ARHGAP17: variants seen among roughly 807,000 people sequenced by gnomAD.
ARHGAP17 encodes rho GTPase-activating protein 17.
ARHGAP17 carries 57 observed loss-of-function variants against 99.5 expected under a neutral mutation model. That is an observed-to-expected ratio of 0.57 (90% CI 0.46 to 0.71). ARHGAP17 has a LOEUF of 0.71. ARHGAP17 is among the 30% of genes least tolerant of loss of function. The pLI, the probability that ARHGAP17 is intolerant of heterozygous loss-of-function variation, is 0.00. For missense variants in ARHGAP17, 1,000 were observed against 1,122.4 expected, an observed-to-expected ratio of 0.89 and a Z score of 1.56; for synonymous variants, 417 against 429.6, an observed-to-expected ratio of 0.97 and a Z score of 0.36.
At chr16:24,994,649 A>T (rs2053142732) in intron 1 of ARHGAP17, among the ~76,000 whole-genome samples, 1 of 152,234 alleles carries the variant, frequency 6.6e-6, no homozygotes, top group Non-Finnish European at 1.5e-5. Context: ...GTGCTTTGCA[A>T]GAACTGAACT....
chr16:24,973,553 T>C (rs576788034), intron 3 of ARHGAP17, among the ~76,000 whole-genome samples: 1 of 152,336 alleles, frequency 6.6e-6, no homozygotes, highest in South Asian at 2.1e-4. Context: ...GCCAAGCACT[T>C]TGCCCCAGCT....
At chr16:24,964,663 C>T (rs2052118414) in intron 6 of ARHGAP17, among the ~76,000 whole-genome samples, 1 of 152,192 alleles carries the variant, frequency 6.6e-6, no homozygotes, top group Admixed American at 6.5e-5. Context: ...GAGCAAGGTG[C>T]TCTCCTTGCT....
chr16:24,933,822 G>T (rs563764096), intron 18 of ARHGAP17, among the ~76,000 whole-genome samples: 27 of 152,208 alleles, frequency 1.8e-4, no homozygotes, highest in African/African-American at 6.3e-4. Flanking sequence ...AAGGAAAAAA[G>T]AATCAAACCC....
intron 15 of ARHGAP17, among the ~76,000 whole-genome samples, chr16:24,942,991 G>A (rs1023494114): frequency 4.6e-5 from 7 of 152,152 alleles, no homozygotes; most frequent in Admixed American, 4.6e-4. Context: ...AAGAAAAGAT[G>A]GGCTCAGTGG....
chr16:25,013,420 C>G (rs116343835), intron 1 of ARHGAP17, among the ~76,000 whole-genome samples: 2 of 152,058 alleles, frequency 1.3e-5, no homozygotes, highest in Admixed American at 6.6e-5. Flanking sequence ...GCCAGGAGTT[C>G]GAGACCACCC....
chr16:24,949,185 T>TA, intron 13 of ARHGAP17: 1 of 403,442 alleles, frequency 2.5e-6, no homozygotes, highest in South Asian at 6.4e-5. Context: ...TAAGCCAACT[T>TA]ACGTATTAAT....
intron 2 of ARHGAP17, chr16:24,977,556 G>A: frequency 6.4e-6 from 2 of 312,612 alleles, no homozygotes; most frequent in Non-Finnish European, 1.1e-5. Context: ...CTGCCAACTG[G>A]AAAAAACCAG....
chr16:24,937,877 C>T (rs2152455139), intron 17 of ARHGAP17, among the ~76,000 whole-genome samples: 1 of 152,292 alleles, frequency 6.6e-6, no homozygotes, highest in East Asian at 1.9e-4. Flanking sequence ...ATTTATTTTA[C>T]TTCATATATG....
intron 19 of ARHGAP17, among the ~76,000 whole-genome samples, chr16:24,928,433 T>C (rs2050896527): frequency 6.6e-6 from 1 of 152,220 alleles, no homozygotes. Flanking sequence ...TACAGTGTTG[T>C]AGCAGATCAG....
Position 24,937,318 on chromosome 16 carries a change from C to T in ARHGAP17, c.1725-1679G>A, listed in dbSNP as rs184257981. ...ATGCCTGTAATCCCAGCTACTCCGG[C>T]GGCTGAGGCAGGAGAATCATTTGAA... On this transcript the variant is annotated intron_variant, in intron 17 of 19. Transcript: ENST00000289968. 4.8e-3 allele frequency among the ~76,000 whole-genome samples: 726 copies of T among 151,642 alleles called. 4 individuals carry two copies. Among genetic ancestry groups the T allele is most frequent in the Non-Finnish European group, 7.5e-3 (507 of 67,848 alleles).
chr16:24,931,357 G>C lies in ARHGAP17; in HGVS notation c.1942C>G (p.Pro648Ala). The change falls in exon 19 of 20, where the codon CCT becomes GCT. Residue 648 changes from proline to alanine, a missense_variant. This residue lies in a region of ARHGAP17 where 528 missense variants were observed against 511.4 expected (regional missense o/e 1.03). Transcript: ENST00000289968. The part of the protein sequence containing the change: ...PAPPKPGNPP[P>A]GHPGGQSSSG... ...GAACTCTGGCCCCCGGGGTGGCCAG[G>C]AGGTGGGTTGCCCGGTTTCGGGGGT... 1.3e-6 allele frequency: 2 copies of C among 1,513,936 alleles called. No individual in the cohort carries two copies. Among genetic ancestry groups the C allele is most frequent in the Non-Finnish European group, 8.8e-7 (1 of 1,134,094 alleles). 93.8% of individuals were successfully genotyped at this position (1,513,936 alleles called of 1,614,324 possible). A position where few individuals can be genotyped will look rare whatever the true frequency, so the allele number is the denominator to read the frequency against.
chr16:25,009,995 G>A (rs1023872732), intron 1 of ARHGAP17, among the ~76,000 whole-genome samples: 3 of 152,104 alleles, frequency 2.0e-5, no homozygotes, highest in Non-Finnish European at 4.4e-5. Flanking sequence ...GGGAACCACA[G>A]GAAGAGGCCC....
intron 4 of ARHGAP17, 100 bp from the exon 5 acceptor site, chr16:24,968,872 T>C (rs2052276517): frequency 1.9e-6 from 2 of 1,039,236 alleles, no homozygotes; most frequent in South Asian, 2.7e-5. Context: ...AGGAACGCAT[T>C]AGGGTGCTAC....
At chr16:24,982,982 ATATATATATATATATTTTTTTTT>A (rs1186675595) in intron 1 of ARHGAP17, among the ~76,000 whole-genome samples, 1 of 32,668 alleles carries the variant, frequency 3.1e-5, no homozygotes, top group Non-Finnish European at 5.2e-5. Flanking sequence ...ATATATATAT[ATATATATATATATATTTTTTTTT>A]TTTTTTTTTT....
intron 6 of ARHGAP17, among the ~76,000 whole-genome samples, chr16:24,968,040 TGTGTTTA>T (rs2052243365): frequency 6.6e-6 from 1 of 152,182 alleles, no homozygotes; most frequent in Admixed American, 6.5e-5. Flanking sequence ...GGGCCACAGA[TGTGTTTA>T]TTCCTACACT....
intron 1 of ARHGAP17, among the ~76,000 whole-genome samples, chr16:24,995,809 C>T (rs1034493581): frequency 2.6e-5 from 4 of 152,184 alleles, no homozygotes; most frequent in African/African-American, 9.7e-5. Context: ...CTGTTACATG[C>T]ATTTAAACAA....
At position 24,970,565 on chromosome 16, in the gene ARHGAP17, T is replaced by A. The variant is rs766530327; in HGVS notation, c.214A>T (p.Thr72Ser). ...TCTTGCATATTTTGAGCAAGAGCTG[T>A]CAGAGGCAGTTTTTTCTGGAAGATA... Reference protein sequence around the residue: ...AERRHKKLPLTALAQNMQEAS... With the variant: ...AERRHKKLPLSALAQNMQEAS... The change falls in exon 4 of 20, where the codon ACA becomes TCA. Residue 72 changes from threonine to serine, a missense_variant. Thr to Ser is a moderately conservative substitution (Grantham distance 58, BLOSUM62 1). Transcript: ENST00000289968. The A allele has an allele frequency of 6.2e-7, 1 of 1,614,202 alleles. No individual in the cohort carries two copies. Among genetic ancestry groups the A allele is most frequent in the South Asian group, 1.1e-5 (1 of 91,088 alleles).
At chr16:24,984,910 T>C (rs2052811978) in intron 1 of ARHGAP17, among the ~76,000 whole-genome samples, 1 of 152,064 alleles carries the variant, frequency 6.6e-6, no homozygotes, top group South Asian at 2.1e-4. Flanking sequence ...AAAATGTCTG[T>C]AGGGGGAGGC....
At chr16:24,920,596 C>A in intron 19 of ARHGAP17, 1 of 242,914 alleles carries the variant, frequency 4.1e-6, no homozygotes, top group Non-Finnish European at 8.2e-6. Flanking sequence ...GAGATGAACC[C>A]TCCTGATGGC....
Sources: gnomAD v4.1 joint callset for allele counts (sites outside exome capture counted in the v4.1 genomes callset) on GRCh38, gnomAD v4.1.1 for gene constraint, gnomAD v4.1.1 regional missense constraint, MANE v1.5 for transcripts, NCBI Gene and HGNC (gene_info 2026-07-23, HGNC 2026-07-21) for gene names.